GABBR2: variants seen among roughly 807,000 people sequenced by gnomAD.
The protein encoded by GABBR2 is G-protein coupled receptor 51.
Under a neutral mutation model 105.6 loss-of-function variants are expected in GABBR2, and 23 were observed. The ratio of observed to expected loss-of-function variants is 0.22; its 90% CI spans 0.16 to 0.31. GABBR2 has a LOEUF of 0.31. Ranked by LOEUF, GABBR2 falls within the 10% of genes least tolerant of loss-of-function variation. The pLI is 1.00. For synonymous variants in GABBR2, 478 were observed against 499.7 expected (o/e 0.96, Z 0.58); for missense variants, 734 against 1,245.5 (o/e 0.59, Z 6.18).
chr9:98,367,312 A>AAT (rs57330907), intron 12 of GABBR2, among the ~76,000 whole-genome samples: 1 of 143,820 alleles, frequency 7.0e-6, no homozygotes, highest in African/African-American at 3.0e-5. Flanking sequence ...AAAAAAAAAA[A>AAT]AAATAAGGGG....
At chr9:98,495,894 G>T (rs1028114724) in intron 4 of GABBR2, 17 of 156,690 alleles carry the variant, frequency 1.1e-4, no homozygotes, top group African/African-American at 4.1e-4. Context: ...CCAAGAGAGG[G>T]TCTGGTGCGT....
intron 1 of GABBR2, among the ~76,000 whole-genome samples, chr9:98,691,484 G>A (rs1354729910): frequency 6.6e-6 from 1 of 152,214 alleles, no homozygotes; most frequent in Non-Finnish European, 1.5e-5. Context: ...CCGTTGACTG[G>A]GGGGTTGTGT....
chr9:98,302,970 C>T, intron 16 of GABBR2: 1 of 441,156 alleles, frequency 2.3e-6, no homozygotes, highest in Non-Finnish European at 4.0e-6. Context: ...TCACAAATCT[C>T]CCTGAGTTCC....
intron 8 of GABBR2, 26 bp from the exon 9 acceptor site, chr9:98,394,281 A>C: frequency 6.5e-7 from 1 of 1,546,992 alleles, no homozygotes; most frequent in Non-Finnish European, 8.9e-7. Context: ...GACAGTGGCC[A>C]GTTAGACTGG....
chr9:98,596,428 G>A (rs978390630), intron 1 of GABBR2, among the ~76,000 whole-genome samples: 9 of 152,148 alleles, frequency 5.9e-5, no homozygotes, highest in Non-Finnish European at 1.0e-4. Flanking sequence ...TGGGGGTGGG[G>A]GCTCTGGCTT....
At chr9:98,660,275 T>C (rs181402251) in intron 1 of GABBR2, among the ~76,000 whole-genome samples, 23 of 152,342 alleles carry the variant, frequency 1.5e-4, no homozygotes, top group African/African-American at 5.3e-4. Flanking sequence ...TTAAAGTTGT[T>C]TGATAAATAT....
At chr9:98,554,436 G>A (rs114669118) in intron 2 of GABBR2, among the ~76,000 whole-genome samples, 2,396 of 152,136 alleles carry the variant, frequency 0.016, 63 homozygotes, top group African/African-American at 0.055. Context: ...TTCATCAGTG[G>A]GTTAGTATGC....
intron 13 of GABBR2, among the ~76,000 whole-genome samples, chr9:98,316,121 C>T (rs181716422): frequency 1.1e-3 from 164 of 151,904 alleles, no homozygotes; most frequent in African/African-American, 3.8e-3. Context: ...GTTTTTCTTG[C>T]TCTGGATAGC....
chr9:98,663,229 G>T (rs35248075), intron 1 of GABBR2, among the ~76,000 whole-genome samples: 18,713 of 147,988 alleles, frequency 0.13, 1,544 homozygotes, highest in Middle Eastern at 0.26. Flanking sequence ...ACCAAGGCCA[G>T]GAGACCATGC....
chr9:98,339,911 T>G (rs1047167286), intron 13 of GABBR2, among the ~76,000 whole-genome samples: 1 of 152,114 alleles, frequency 6.6e-6, no homozygotes, highest in Admixed American at 6.5e-5. Context: ...TCTCTTTCCT[T>G]CTGGGCACAC....
intron 3 of GABBR2, among the ~76,000 whole-genome samples, chr9:98,519,763 C>G (rs529786115): frequency 1.1e-3 from 164 of 149,664 alleles, no homozygotes; most frequent in African/African-American, 3.8e-3. Context: ...TTAGGCCTTG[C>G]AGGACTTACA....
intron 3 of GABBR2, chr9:98,538,470 G>T: frequency 4.4e-6 from 1 of 225,608 alleles, no homozygotes; most frequent in Non-Finnish European, 7.4e-6. Flanking sequence ...ACGCAGCCAT[G>T]CTTGGCCAAA....
intron 7 of GABBR2, among the ~76,000 whole-genome samples, chr9:98,419,138 G>A (rs1225534160): frequency 6.6e-6 from 1 of 152,208 alleles, no homozygotes; most frequent in Non-Finnish European, 1.5e-5. Context: ...GGCAGCTGGT[G>A]CAGCAGCCGT....
intron 1 of GABBR2, among the ~76,000 whole-genome samples, chr9:98,590,105 C>T (rs985945268): frequency 6.6e-6 from 1 of 152,200 alleles, no homozygotes; most frequent in African/African-American, 2.4e-5. Flanking sequence ...TTTAATACAT[C>T]CTAGCTGGAC....
chr9:98,698,222 G>T (rs534033348), intron 1 of GABBR2, among the ~76,000 whole-genome samples: 3 of 152,274 alleles, frequency 2.0e-5, no homozygotes, highest in African/African-American at 7.2e-5. Flanking sequence ...GCAGGAGAAG[G>T]GGGTCTGCTT....
At chr9:98,341,321 G>A (rs946055635) in intron 13 of GABBR2, among the ~76,000 whole-genome samples, 3 of 152,226 alleles carry the variant, frequency 2.0e-5, no homozygotes, top group Admixed American at 1.3e-4. Context: ...CAGAAGGCAC[G>A]TGGCTGTGGA....
chr9:98,691,482 TG>T (rs1410872330), intron 1 of GABBR2, among the ~76,000 whole-genome samples: 2 of 152,202 alleles, frequency 1.3e-5, no homozygotes, highest in Admixed American at 6.5e-5. Flanking sequence ...CTCCGTTGAC[TG>T]GGGGGTTGTG....
At chr9:98,314,142 C>T (rs187139874) in intron 13 of GABBR2, among the ~76,000 whole-genome samples, 2 of 152,238 alleles carry the variant, frequency 1.3e-5, no homozygotes, top group African/African-American at 2.4e-5. Flanking sequence ...AGAAACACCC[C>T]GGAGGGAGGT....
chr9:98,515,191 C>T (rs1232343374), intron 3 of GABBR2, among the ~76,000 whole-genome samples: 1 of 152,198 alleles, frequency 6.6e-6, no homozygotes. Flanking sequence ...GCAGACGAGA[C>T]TGCTGCATCT....
Sources: allele counts gnomAD v4.1 joint callset (sites outside exome capture counted in the v4.1 genomes callset), GRCh38; gene constraint gnomAD v4.1.1; transcripts MANE v1.5; gene names NCBI Gene and HGNC (gene_info 2026-07-23, HGNC 2026-07-21).